The following ADAMTS9 variants were observed in gnomAD, a reference collection of about 807,000 sequenced individuals.
ADAMTS9 encodes the protein ADAM metallopeptidase with thrombospondin type 1 motif 9.
In ADAMTS9, 107 loss-of-function variants were observed where a neutral mutation model predicts 257.1. The ratio of observed to expected loss-of-function variants is 0.42; its 90% confidence interval spans 0.36 to 0.49. The LOEUF is 0.49. Among genes scored for constraint, ADAMTS9 ranks in the 20% least tolerant of loss-of-function variants. The pLI is 0.03. For synonymous variants in ADAMTS9, 982 were observed against 880.9 expected, an observed-to-expected ratio of 1.11 and a Z score of -2.03; for missense variants, 2,353 against 2,469.1, an observed-to-expected ratio of 0.95 and a Z score of 1.00.
intron 29 of ADAMTS9, among the ~76,000 whole-genome samples, chr3:64,566,276 T>G (rs2106671397): frequency 6.6e-6 from 1 of 152,318 alleles, no homozygotes; most frequent in South Asian, 2.1e-4. Flanking sequence ...TGGGTCTGAT[T>G]ATTTTCAGGT....
At chr3:64,650,867 CTTTTTTTT>C in intron 9 of ADAMTS9, 142 bp downstream of exon 9, 1 of 476,564 alleles carries the variant, frequency 2.1e-6, no homozygotes, top group Non-Finnish European at 3.4e-6. Context: ...TGTCAGAGAG[CTTTTTTTT>C]TTTTTTTTTG....
chr3:64,561,064 C>CCCT (rs1559764070), intron 30 of ADAMTS9, among the ~76,000 whole-genome samples: 1 of 129,998 alleles, frequency 7.7e-6, no homozygotes, highest in East Asian at 3.1e-4. Flanking sequence ...CAGATACCAT[C>CCCT]CTTTTTTTTT....
At chr3:64,518,764 A>ATTTTTT (rs61286740) in intron 39 of ADAMTS9, among the ~76,000 whole-genome samples, 9 of 65,292 alleles carry the variant, frequency 1.4e-4, no homozygotes, top group African/African-American at 4.0e-4. Flanking sequence ...TTACCTTTTC[A>ATTTTTT]TTTTTTTTTT....
chr3:64,608,386 C>T lies in ADAMTS9; in HGVS notation c.3355-1307G>A, dbSNP rs374206612. On this transcript the variant is annotated intron_variant, in intron 22 of 39. Coordinates refer to ENST00000498707, the MANE Select transcript of ADAMTS9 (RefSeq NM_182920.2). ...CCAGAAATTGATTTTTTGAAAAGAT[C>T]AACAAAATTGATAAACCTTTAGCTA... 2.7e-5 allele frequency among the ~76,000 whole-genome samples: 4 copies of T among 150,392 alleles called. No individual in the cohort carries two copies. The East Asian group carries it at 7.8e-4, about 29-fold the overall frequency.
chr3:64,648,171 T>C lies in ADAMTS9; in HGVS notation c.1606-127A>G, dbSNP rs1700843004. On this transcript the variant is annotated intron_variant, in intron 10 of 39. Coordinates refer to ENST00000498707, the MANE Select transcript of ADAMTS9 (RefSeq NM_182920.2). ...GGGTAAGTGGGGAAGGAAATTCTTTTCTTGGTATGATAAATGCTAAAATAT... is the reference window on the plus strand; with the variant it reads ...GGGTAAGTGGGGAAGGAAATTCTTTCCTTGGTATGATAAATGCTAAAATAT... 3.7e-6 allele frequency: 3 copies of C among 821,460 alleles called. No individual in the cohort carries two copies. In the Admixed American group the frequency reaches 7.9e-5, roughly 22 times the overall value. 50.9% of individuals were successfully genotyped at this position (821,460 alleles called of 1,614,324 possible).
intron 25 of ADAMTS9, 101 bp from the exon 26 acceptor site, chr3:64,602,314 T>G (rs906566340): frequency 3.5e-6 from 5 of 1,409,130 alleles, no homozygotes; most frequent in Non-Finnish European, 4.9e-6. Context: ...CTTTCCCAAA[T>G]TGCTCAGGCC....
At chr3:64,534,860 T>C (rs191472129) in intron 37 of ADAMTS9, among the ~76,000 whole-genome samples, 2 of 152,104 alleles carry the variant, frequency 1.3e-5, no homozygotes, top group East Asian at 1.9e-4. Flanking sequence ...CAGCCCACAA[T>C]AGAGAATTCT....
intron 14 of ADAMTS9, 121 bp from the exon 15 acceptor site, chr3:64,632,046 T>C (rs182238392): frequency 4.2e-5 from 32 of 752,980 alleles, no homozygotes; most frequent in Non-Finnish European, 6.5e-5. Context: ...CCTTTAAAAC[T>C]TGGAAAGGTT....
At chr3:64,610,878 C>A (rs2084652636) in intron 22 of ADAMTS9, among the ~76,000 whole-genome samples, 1 of 151,646 alleles carries the variant, frequency 6.6e-6, no homozygotes, top group East Asian at 1.9e-4. Flanking sequence ...AGATAGAGAC[C>A]ATCTTGGCTA....
chr3:64,576,520 C>A (rs77793242), intron 28 of ADAMTS9, among the ~76,000 whole-genome samples: 1,601 of 152,308 alleles, frequency 0.011, 56 homozygotes, highest in East Asian at 0.076. Flanking sequence ...GGAGAGAAAG[C>A]TTTACCAGGA....
chr3:64,571,312 G>T (rs1354315474), intron 28 of ADAMTS9, among the ~76,000 whole-genome samples: 1 of 152,136 alleles, frequency 6.6e-6, no homozygotes, highest in Non-Finnish European at 1.5e-5. Context: ...GGAGACAATT[G>T]GTGTTTTCAG....
intron 32 of ADAMTS9, among the ~76,000 whole-genome samples, chr3:64,545,748 A>G (rs1031749426): frequency 1.2e-4 from 19 of 152,202 alleles, no homozygotes; most frequent in African/African-American, 4.3e-4. Context: ...CCTAGAACTT[A>G]AAGTATAATA....
At chr3:64,624,840 C>T (rs935367506) in intron 16 of ADAMTS9, among the ~76,000 whole-genome samples, 3 of 152,126 alleles carry the variant, frequency 2.0e-5, no homozygotes, top group African/African-American at 7.2e-5. Context: ...ATCTCAATCA[C>T]ATCTTTTCCT....
At chr3:64,663,134 T>C (rs1052913052) in intron 3 of ADAMTS9, among the ~76,000 whole-genome samples, 3 of 152,088 alleles carry the variant, frequency 2.0e-5, no homozygotes, top group Middle Eastern at 3.2e-3. Context: ...AGCTAAAAAG[T>C]ACAGATTCTT....
intron 35 of ADAMTS9, 22 bp from the exon 36 acceptor site, chr3:64,541,250 C>T: frequency 6.2e-7 from 1 of 1,614,104 alleles, no homozygotes; most frequent in Non-Finnish European, 8.5e-7. Flanking sequence ...AGAGAATGTT[C>T]TGGTAAGGAT....
At chr3:64,653,526 A>C (rs1379144994) in intron 8 of ADAMTS9, among the ~76,000 whole-genome samples, 1 of 152,222 alleles carries the variant, frequency 6.6e-6, no homozygotes, top group Non-Finnish European at 1.5e-5. Context: ...ACTACACTGC[A>C]CATAGGGGAC....
rs1217664732 is a variant in ADAMTS9 at position 64,686,928 on chromosome 3, A to C, written c.156T>G (p.Ser52=). The part of the protein sequence containing the change: ...LETLSEYEIV[S]PIRVNALGEP... ...CTCCGAGAGCGTTCACTCGGATGGG[A>C]GACACGATTTCGTATTCGCTCAGGG... Residue 52 remains serine (S), a synonymous_variant, in exon 2 of 40, where the codon TCT becomes TCG. Coordinates refer to ENST00000498707, the MANE Select transcript of ADAMTS9 (RefSeq NM_182920.2). The surrounding 1 kb of genome is among the most constrained non-coding windows in gnomAD (Gnocchi z 4.6). The C allele has an allele frequency of 1.9e-6, 3 of 1,614,046 alleles. No individual in the cohort carries two copies. Among genetic ancestry groups the C allele is most frequent in the Non-Finnish European group, 1.7e-6 (2 of 1,180,042 alleles).
intron 10 of ADAMTS9, 123 bp from the exon 11 acceptor site, chr3:64,648,167 C>A (rs1287848760): frequency 1.1e-5 from 9 of 848,294 alleles, no homozygotes; most frequent in Admixed American, 7.7e-5. Context: ...GAAGGAAATT[C>A]TTTTCTTGGT....
Position 64,641,743 on chromosome 3 carries a change from T to C in ADAMTS9, c.1856+105A>G, listed in dbSNP as rs547686396. 353 of 1,449,238 alleles carry C rather than the reference T, an allele frequency of 2.4e-4. No individual in the cohort carries two copies. The South Asian group carries it at 4.5e-3, about 19-fold the overall frequency. The allele number at this position is 1,449,238 out of a possible 1,614,324, so 89.8% of individuals were successfully genotyped here. On this transcript the variant is annotated intron_variant, in intron 12 of 39. Coordinates refer to ENST00000498707, the MANE Select transcript of ADAMTS9 (RefSeq NM_182920.2). Reference sequence around the variant, plus strand: ...CAGCCCTTGAAGTTTACGTTCTTTCTAGCTCTCTAAGTTGGAATGTACTCT... The same window carrying C: ...CAGCCCTTGAAGTTTACGTTCTTTCCAGCTCTCTAAGTTGGAATGTACTCT...
Sources: allele counts gnomAD v4.1 joint callset (sites outside exome capture counted in the v4.1 genomes callset), GRCh38; gene constraint gnomAD v4.1.1; non-coding constraint Gnocchi (gnomAD v3.1); transcripts MANE v1.5; gene names NCBI Gene and HGNC (gene_info 2026-07-23, HGNC 2026-07-21).